ATP5MC2: variants seen among roughly 807,000 people sequenced by gnomAD.
ATP5MC2 encodes the protein ATP synthase membrane subunit c locus 2.
A neutral mutation model predicts 13.5 loss-of-function variants in ATP5MC2; 11 were observed. The ratio of observed to expected loss-of-function variants is 0.81; its 90% CI spans 0.51 to 1.35. The LOEUF (loss-of-function observed/expected upper bound fraction) is 1.35, where lower values mean the gene tolerates loss of function less well. ATP5MC2 is among the 40% of genes most tolerant of loss of function. The pLI is 0.00. For synonymous variants in ATP5MC2, 64 were observed against 69.7 expected (o/e 0.92, Z 0.41); for missense variants, 132 against 175.0 (o/e 0.75, Z 1.39).
At chr12:53,676,115 A>G (rs529472546), upstream of ATP5MC2, 7 of 1,614,260 alleles carry the variant, frequency 4.3e-6, no homozygotes, top group African/African-American at 8.0e-5. Flanking sequence ...AGGAAGGCTC[A>G]GCGCATGCGT....
intron 4 of ATP5MC2, 71 bp from the exon 5 acceptor site, chr12:53,665,499 G>T: frequency 1.6e-6 from 2 of 1,229,590 alleles, no homozygotes; most frequent in Non-Finnish European, 2.4e-6. Flanking sequence ...TCTAAGATGG[G>T]CTCAGGGAGA....
At chr12:53,670,142 T>G in intron 2 of ATP5MC2, 194 bp from the exon 3 acceptor site, 6 of 627,258 alleles carry the variant, frequency 9.6e-6, no homozygotes, top group East Asian at 3.3e-5. Context: ...ACCATTTCTC[T>G]TGCTTCTCAG....
chr12:53,680,697 AAT>A (rs202058494), upstream of ATP5MC2, among the ~76,000 whole-genome samples: 62 of 133,664 alleles, frequency 4.6e-4, no homozygotes, highest in East Asian at 4.7e-3. Context: ...TTGAAAAAAA[AAT>A]TATGAAATAT....
chr12:53,681,313 G>A (rs977875095), upstream of ATP5MC2, among the ~76,000 whole-genome samples: 1 of 151,180 alleles, frequency 6.6e-6, no homozygotes, highest in Non-Finnish European at 1.5e-5. Context: ...ATCATTTGAG[G>A]TCAGGAGTTC....
intron 4 of ATP5MC2, among the ~76,000 whole-genome samples, chr12:53,668,284 A>G (rs1388497248): frequency 1.3e-5 from 2 of 149,712 alleles, no homozygotes; most frequent in Admixed American, 1.3e-4. Flanking sequence ...CACCTCGCCC[A>G]GCCTATATTT....
In ATP5MC2 at chr12:53,675,950, AG is replaced by A. The variant is rs1945251795; in HGVS notation, c.-32+102del. On this transcript the variant is annotated intron_variant, in intron 1 of 4. Coordinates refer to ENST00000394349, the MANE Select transcript of ATP5MC2 (RefSeq NM_005176.7). The stretch of plus-strand genomic sequence containing the variant: ...GGAAGCAAGAAAGGGCGAGAGGACC[AG>A]GGTGGGAGCACGCAAGGTAAGCGCC... 7.4e-6 allele frequency: 11 copies of A among 1,481,554 alleles called. No individual in the cohort carries two copies. The South Asian group carries it at 1.4e-4, about 19-fold the overall frequency. The allele number at this position is 1,481,554 out of a possible 1,614,324, so 91.8% of individuals were successfully genotyped here. A position where few individuals can be genotyped will look rare whatever the true frequency, so the allele number is the denominator to read the frequency against.
At chr12:53,670,540 T>C (rs1380238882) in intron 2 of ATP5MC2, among the ~76,000 whole-genome samples, 1 of 152,176 alleles carries the variant, frequency 6.6e-6, no homozygotes, top group Non-Finnish European at 1.5e-5. Flanking sequence ...CTGCTGAGTA[T>C]TGCAACAGAG....
upstream of ATP5MC2, chr12:53,676,412 ACTC>A (rs1391583304): frequency 3.2e-5 from 19 of 587,504 alleles, no homozygotes; most frequent in African/African-American, 7.7e-5. Flanking sequence ...CCAAAACAAA[ACTC>A]CTACTCAGAA....
chr12:53,679,238 C>CGGGA (rs1945326781), upstream of ATP5MC2, among the ~76,000 whole-genome samples: 1 of 127,684 alleles, frequency 7.8e-6, no homozygotes. Context: ...ATTTTAAAAA[C>CGGGA]GAGAGAGAGA....
chr12:53,667,950 CACACACATATATATATATATATATAT>C (rs1266034677), intron 4 of ATP5MC2, among the ~76,000 whole-genome samples: 7 of 37,280 alleles, frequency 1.9e-4, no homozygotes, highest in South Asian at 1.0e-3. Context: ...TACATACATA[CACACACATATATATATATATATATAT>C]ATATATATAT....
chr12:53,676,003 T>C (rs937272606), intron 1 of ATP5MC2, 50 bp downstream of exon 1: 7 of 1,596,294 alleles, frequency 4.4e-6, no homozygotes, highest in Non-Finnish European at 8.5e-7. Flanking sequence ...AGGTGAGGTG[T>C]CCCGCGCGCG....
At chr12:53,674,100 A>C (rs1452001801) in intron 1 of ATP5MC2, 1 of 152,150 alleles carries the variant, frequency 6.6e-6, no homozygotes, top group Non-Finnish European at 1.5e-5. Context: ...TGTAATCCCA[A>C]CACTGAGAAG....
At chr12:53,665,575 T>C in intron 4 of ATP5MC2, 147 bp from the exon 5 acceptor site, 1 of 700,366 alleles carries the variant, frequency 1.4e-6, no homozygotes, top group Non-Finnish European at 2.5e-6. Context: ...CATGCCCAAA[T>C]TCTTGCCCTG....
At chr12:53,672,505 A>C in intron 2 of ATP5MC2, 71 bp downstream of exon 2, 2 of 1,450,056 alleles carry the variant, frequency 1.4e-6, no homozygotes, top group Non-Finnish European at 1.9e-6. Context: ...GCTGTGAAGA[A>C]CAAGGTCTGA....
rs960948301 is a variant in ATP5MC2, at chr12:53,671,776, A to C, written c.39+800T>G. Among the ~76,000 whole-genome samples the C allele has an allele frequency of 3.9e-5, 6 of 152,276 alleles. No individual in the cohort carries two copies. The South Asian group carries it at 1.0e-3, about 26-fold the overall frequency. The stretch of plus-strand genomic sequence containing the variant: ...GCCAGGCACGGTGGCTCATGCCTAT[A>C]ATATCAGCAATTTAGGAGGCCGAGG... On this transcript the variant is annotated intron_variant, in intron 2 of 4. Coordinates refer to ENST00000394349, the MANE Select transcript of ATP5MC2 (RefSeq NM_005176.7).
upstream of ATP5MC2, among the ~76,000 whole-genome samples, chr12:53,680,902 C>T (rs12309572): frequency 0.21 from 31,555 of 151,906 alleles, 3,594 homozygotes; most frequent in East Asian, 0.51. Context: ...CATTAAACCA[C>T]GCCCTAATTA....
intron 1 of ATP5MC2, chr12:53,674,035 A>G (rs1945194361): frequency 6.6e-6 from 1 of 152,406 alleles, no homozygotes; most frequent in Non-Finnish European, 1.5e-5. Flanking sequence ...CTTGGGCGCA[A>G]CTTGGACCTT....
At chr12:53,674,382 C>T (rs1352918220) in intron 1 of ATP5MC2, among the ~76,000 whole-genome samples, 5 of 152,204 alleles carry the variant, frequency 3.3e-5, no homozygotes, top group Non-Finnish European at 5.9e-5. Flanking sequence ...GGCTCAAGTG[C>T]CCTGTATTTC....
chr12:53,667,997 A>ATATATATATATATTT (rs1944983859), intron 4 of ATP5MC2, among the ~76,000 whole-genome samples: 1 of 126,840 alleles, frequency 7.9e-6, no homozygotes. Context: ...ATATATATAA[A>ATATATATATATATTT]TTTTTTTTTT....
Sources: gnomAD v4.1 joint callset for allele counts (sites outside exome capture counted in the v4.1 genomes callset) on GRCh38, gnomAD v4.1.1 for gene constraint, MANE v1.5 for transcripts, NCBI Gene and HGNC (gene_info 2026-07-23, HGNC 2026-07-21) for gene names.